Variants in RASA2 observed in about 807,000 individuals in gnomAD.
The protein encoded by RASA2 is RAS p21 protein activator 2.
A neutral mutation model predicts 118.2 loss-of-function variants in RASA2; 155 were observed. The ratio of observed to expected loss-of-function variants is 1.31; its 90% CI spans 1.15 to 1.50. The LOEUF is 1.50. Among genes scored for constraint, RASA2 ranks in the 40% most tolerant of loss-of-function variants. RASA2 has a pLI of 0.00. For missense variants in RASA2, 1,016 were observed against 1,009.6 expected (o/e 1.01, Z -0.09); for synonymous variants, 353 against 349.1 (o/e 1.01, Z -0.12).
At chr3:141,589,039 A>C (rs1482596887) in intron 19 of RASA2, among the ~76,000 whole-genome samples, 1 of 151,998 alleles carries the variant, frequency 6.6e-6, no homozygotes, top group Admixed American at 6.6e-5. Flanking sequence ...ACAGGGTTTC[A>C]CCATGTTGGC....
chr3:141,581,884 A>C (rs2083119814), intron 17 of RASA2, among the ~76,000 whole-genome samples: 1 of 152,212 alleles, frequency 6.6e-6, no homozygotes, highest in African/African-American at 2.4e-5. Context: ...TAATTTCTTG[A>C]GTCTTTAGTC....
intron 1 of RASA2, among the ~76,000 whole-genome samples, chr3:141,493,967 C>G (rs958648020): frequency 6.6e-6 from 1 of 152,156 alleles, no homozygotes; most frequent in Non-Finnish European, 1.5e-5. Flanking sequence ...AACAACATAG[C>G]TTGAAGATTT....
chr3:141,596,090 A>T (rs1209016746), intron 19 of RASA2, among the ~76,000 whole-genome samples: 3 of 152,204 alleles, frequency 2.0e-5, no homozygotes, highest in African/African-American at 7.2e-5. Flanking sequence ...TGAAATGTGC[A>T]TTGGAACATT....
At chr3:141,555,344 G>A (rs1266329397) in intron 6 of RASA2, among the ~76,000 whole-genome samples, 1 of 152,022 alleles carries the variant, frequency 6.6e-6, no homozygotes, top group African/African-American at 2.4e-5. Context: ...GGAGAGGCTG[G>A]GTAAAAACAC....
At chr3:141,609,295 A>C (rs2083598993) in intron 21 of RASA2, 125 bp from the exon 22 acceptor site, 3 of 540,692 alleles carry the variant, frequency 5.5e-6, no homozygotes, top group South Asian at 4.7e-5. Context: ...AAATGAAACT[A>C]AATTTCCAGA....
rs529295445 is a variant in RASA2 at position 141,582,259 on chromosome 3, C to T, written c.1752+1082C>T. ...AATGATGATTTAAAAAATTCAAGTCCGTTGGAATATTTTTCATCTGGAATA... is the reference window on the plus strand; with the variant it reads ...AATGATGATTTAAAAAATTCAAGTCTGTTGGAATATTTTTCATCTGGAATA... On this transcript the variant is annotated intron_variant, in intron 17 of 23. Transcript: ENST00000286364. 1.3e-4 allele frequency among the ~76,000 whole-genome samples: 20 copies of T among 152,126 alleles called. No homozygotes were observed. The South Asian group carries it at 4.1e-3, about 32-fold the overall frequency.
At chr3:141,555,813 A>G (rs2082641087) in intron 6 of RASA2, 27 bp from the exon 7 acceptor site, 3 of 1,580,844 alleles carry the variant, frequency 1.9e-6, no homozygotes, top group Non-Finnish European at 2.6e-6. Context: ...AAGTTCTACA[A>G]GGTAAAACTC....
At chr3:141,521,134 G>A (rs1422124933) in intron 3 of RASA2, among the ~76,000 whole-genome samples, 1 of 152,108 alleles carries the variant, frequency 6.6e-6, no homozygotes, top group Non-Finnish European at 1.5e-5. Flanking sequence ...GTTGACAGTT[G>A]GAAATATAGA....
chr3:141,586,119 G>A (rs377597440), intron 18 of RASA2, 21 bp downstream of exon 18: 18 of 1,560,430 alleles, frequency 1.2e-5, no homozygotes, highest in Middle Eastern at 1.7e-4. Context: ...CAAATTAGAC[G>A]TGAAAGTCAT....
chr3:141,607,691 C>T lies in RASA2; in HGVS notation c.1947C>T (p.Ile649=), dbSNP rs1364894063. Residue 649 remains isoleucine (I), a synonymous_variant, in exon 20 of 24, where the codon ATC becomes ATT. Transcript: ENST00000286364. ...TTTATTATTTAGGCAAAGATGCAAT[C>T]TACACAATCCCAGTAAAAAACATTC... ...TYHKQPGKDA[I]YTIPVKNILA... 16 of 1,586,142 alleles carry T rather than the reference C, an allele frequency of 1.0e-5. No individual in the cohort carries two copies. The highest frequency in any genetic ancestry group is 1.4e-5 in the Non-Finnish European group (16 of 1,170,368).
Position 141,570,971 on chromosome 3 carries a change from C to G in RASA2, c.923C>G (p.Ser308Cys). The change falls in exon 10 of 24, where the codon TCT (serine) becomes TGT (cysteine). Residue 308 changes from serine to cysteine, a missense_variant. Ser to Cys is a moderately radical substitution (Grantham distance 112, BLOSUM62 -1). This residue lies in a region of RASA2 where 896 missense variants were observed against 836.4 expected (regional missense o/e 1.07). Transcript: ENST00000286364. ...TCATCCAAAACTGATGACCTGGGGTCTCTTCGATTAAATATATGTTATACA... is the reference window on the plus strand; with the variant it reads ...TCATCCAAAACTGATGACCTGGGGTGTCTTCGATTAAATATATGTTATACA... ...NKSSKTDDLG[S>C]LRLNICYTED... 3 of 1,612,426 alleles carry G rather than the reference C, an allele frequency of 1.9e-6. No homozygotes were observed. The highest frequency in any genetic ancestry group is 1.1e-5 in the South Asian group (1 of 90,850).
rs1335032605 is a variant in RASA2, at chr3:141,487,207, G to T, written c.124G>T (p.Gly42Cys). The T allele has an allele frequency of 4.2e-6, 6 of 1,436,628 alleles. No individual in the cohort carries two copies. Among genetic ancestry groups the T allele is most frequent in the African/African-American group, 1.5e-5 (1 of 67,832 alleles). The allele number at this position is 1,436,628 out of a possible 1,614,324, so 89.0% of individuals were successfully genotyped here. The change falls in exon 1 of 24, where the codon GGC (glycine) becomes TGC (cysteine). Residue 42 changes from glycine (G) to cysteine (C), a missense_variant. Coordinates refer to ENST00000286364, the MANE Select transcript of RASA2 (RefSeq NM_006506.5). The stretch of plus-strand genomic sequence containing the variant: ...GGTTCGAGTGTTGCAGAGCCTGCGG[G>T]GCAAGATCTGTAAGCGGGGGCTGGG... The part of the protein sequence containing the change: ...REVRVLQSLR[G>C]KICEAKNLLP...
chr3:141,529,954 G>A (rs922000484), intron 4 of RASA2, 152 bp downstream of exon 4: 18 of 580,590 alleles, frequency 3.1e-5, no homozygotes, highest in Non-Finnish European at 4.7e-5. Flanking sequence ...TATAGGACAG[G>A]AAGGTAATGG....
intron 4 of RASA2, among the ~76,000 whole-genome samples, chr3:141,530,475 A>G (rs1288835511): frequency 1.3e-5 from 2 of 152,046 alleles, no homozygotes; most frequent in Non-Finnish European, 2.9e-5. Flanking sequence ...TTTTTGCTGT[A>G]GCCTTATTTA....
At chr3:141,604,110 C>T (rs897585800) in intron 19 of RASA2, among the ~76,000 whole-genome samples, 1 of 152,144 alleles carries the variant, frequency 6.6e-6, no homozygotes, top group African/African-American at 2.4e-5. Context: ...GGAGTGTAAT[C>T]AGTGAGTTAA....
intron 14 of RASA2, among the ~76,000 whole-genome samples, chr3:141,576,326 T>C (rs1211629973): frequency 6.6e-6 from 1 of 152,150 alleles, no homozygotes; most frequent in Non-Finnish European, 1.5e-5. Flanking sequence ...TTGTTAATGG[T>C]TACCTACTGA....
At chr3:141,534,309 C>G (rs1480917053) in intron 4 of RASA2, among the ~76,000 whole-genome samples, 1 of 152,130 alleles carries the variant, frequency 6.6e-6, no homozygotes, top group Non-Finnish European at 1.5e-5. Flanking sequence ...TTGAGGCAGA[C>G]AGATTGCTTG....
At chr3:141,531,623 G>C (rs2082262180) in intron 4 of RASA2, among the ~76,000 whole-genome samples, 1 of 151,780 alleles carries the variant, frequency 6.6e-6, no homozygotes. Flanking sequence ...GGAAGCAACA[G>C]TTACCCAGAT....
At chr3:141,507,174 T>C (rs1170908460) in intron 1 of RASA2, among the ~76,000 whole-genome samples, 1 of 152,186 alleles carries the variant, frequency 6.6e-6, no homozygotes, top group Non-Finnish European at 1.5e-5. Context: ...GAAAAATTGC[T>C]TGGTAATTTC....
Sources: allele counts gnomAD v4.1 joint callset (sites outside exome capture counted in the v4.1 genomes callset), GRCh38; gene constraint gnomAD v4.1.1; regional missense constraint gnomAD v4.1.1; transcripts MANE v1.5; gene names NCBI Gene and HGNC (gene_info 2026-07-23, HGNC 2026-07-21).